The following BAHCC1 variants were observed in gnomAD, a reference collection of about 807,000 sequenced individuals.
The protein encoded by BAHCC1 is BAH domain and coiled-coil containing 1.
BAHCC1 carries 43 observed loss-of-function variants against 88.2 expected under a neutral mutation model. The observed-to-expected ratio is 0.49, with a 90% CI of 0.38 to 0.63. The LOEUF (loss-of-function observed/expected upper bound fraction) is 0.63, where lower values mean the gene tolerates loss of function less well. Among genes scored for constraint, BAHCC1 ranks in the 20% least tolerant of loss-of-function variants. The pLI, the probability that BAHCC1 is intolerant of heterozygous loss-of-function variation, is 0.00. For synonymous variants in BAHCC1, 1,510 were observed against 745.5 expected (o/e 2.03, Z -16.71); for missense variants, 3,023 against 1,654.8 (o/e 1.83, Z -14.34).
In BAHCC1 at chr17:81,411,093, T is replaced by C. The variant is rs2063944248; in HGVS notation, c.178+11176T>C. 1.9e-6 allele frequency: 1 copy of C among 519,238 alleles called. No homozygotes were observed. The highest frequency in any genetic ancestry group is 3.8e-6 in the Non-Finnish European group (1 of 259,768). The allele number at this position is 519,238 out of a possible 1,614,324, so 32.2% of individuals were successfully genotyped here. Reference sequence around the variant, plus strand: ...GGGGTCCCTCTCTCTGGGGTCACGCTCCCTTGTTCTCAGTCCCGCAGCCGT... The same window carrying C: ...GGGGTCCCTCTCTCTGGGGTCACGCCCCCTTGTTCTCAGTCCCGCAGCCGT... On this transcript the variant is annotated intron_variant, in intron 2 of 27. Transcript: ENST00000675386. This position sits in a 1 kb window ranked among gnomAD's most constrained non-coding sequence, Gnocchi z 6.2.
rs556140288 is a variant in BAHCC1, at chr17:81,449,277, CT to C, written c.3976+1430del. 2.1e-3 allele frequency among the ~76,000 whole-genome samples: 316 copies of C among 152,284 alleles called. 3 individuals carry two copies. The highest frequency in any genetic ancestry group is 6.8e-3 in the African/African-American group (284 of 41,546). ...CGGGTCTCCACCTCATGGTCCCCCC[CT>C]GGGCCCCCACCCCTGCCCCTGCCCT... On this transcript the variant is annotated intron_variant, in intron 11 of 27. Coordinates refer to ENST00000675386, the MANE Select transcript of BAHCC1 (RefSeq NM_001377448.1).
At chr17:81,425,390 TGGTGATAGTGGTG>T (rs2064171928) in intron 2 of BAHCC1, among the ~76,000 whole-genome samples, 1 of 98,792 alleles carries the variant, frequency 1.0e-5, no homozygotes, top group Non-Finnish European at 1.9e-5. Flanking sequence ...GTGTGGTTGG[TGGTGATAGTGGTG>T]GGTGATGTGG....
At chr17:81,446,262 G>A (rs143303525) in intron 10 of BAHCC1, among the ~76,000 whole-genome samples, 34 of 152,206 alleles carry the variant, frequency 2.2e-4, no homozygotes, top group Admixed American at 9.8e-4. Context: ...GGGTTTTTCC[G>A]TTTTTTTCCC....
At chr17:81,402,906 C>G (rs562077344) in intron 2 of BAHCC1, 2 of 152,178 alleles carry the variant, frequency 1.3e-5, no homozygotes, top group Non-Finnish European at 2.9e-5. Flanking sequence ...AGACTCGGGC[C>G]GCAGGTTTTA....
At position 81,435,259 on chromosome 17, in the gene BAHCC1, C is replaced by T. The variant is rs931440133; in HGVS notation, c.359-3111C>T. On this transcript the variant is annotated intron_variant, in intron 3 of 27. Transcript: ENST00000675386. This position sits in a 1 kb window ranked among gnomAD's most constrained non-coding sequence, Gnocchi z 4.4. ...CATTGTGTCCCCCGCCCAGCCCACG[C>T]GTGGCCCCCTGGCTTTACTAACCCA... is the stretch of plus-strand genomic sequence containing the variant. Among the ~76,000 whole-genome samples, 2 of 152,154 alleles carry T rather than the reference C, an allele frequency of 1.3e-5. No individual in the cohort carries two copies. Among genetic ancestry groups the T allele is most frequent in the South Asian group, 4.1e-4 (2 of 4,834 alleles).
At chr17:81,405,633 T>TA (rs1216751532) in intron 2 of BAHCC1, among the ~76,000 whole-genome samples, 1 of 152,178 alleles carries the variant, frequency 6.6e-6, no homozygotes, top group Non-Finnish European at 1.5e-5. Flanking sequence ...CAAGCACAGA[T>TA]AGAGTTCAGC....
chr17:81,463,469 G>GT (rs2030478364), intron 27 of BAHCC1, 142 bp from the exon 28 acceptor site: 2 of 649,626 alleles, frequency 3.1e-6, no homozygotes, highest in Admixed American at 2.1e-5. Flanking sequence ...TCCCTGGCAG[G>GT]TTCCTCGGCC....
intron 2 of BAHCC1, among the ~76,000 whole-genome samples, chr17:81,420,665 C>A (rs1555649484): frequency 6.6e-6 from 1 of 152,264 alleles, no homozygotes; most frequent in Non-Finnish European, 1.5e-5. Flanking sequence ...GGCCCTGGAG[C>A]TGGGGCCAGA....
rs1568022960 is a variant in BAHCC1 at position 81,446,216 on chromosome 17, G to GT, written c.3163+536dup. 3.3e-5 allele frequency among the ~76,000 whole-genome samples: 5 copies of GT among 152,160 alleles called. No individual in the cohort carries two copies. In the East Asian group the frequency reaches 9.6e-4, roughly 29 times the overall value. On this transcript the variant is annotated intron_variant, in intron 10 of 27. Transcript: ENST00000675386. ...AAACCGTGTGGCGAACATAAAACCC[G>GT]TCCTAGTTTCACAGTCAGGAGATGG...
At position 81,458,310 on chromosome 17, in the gene BAHCC1, G is replaced by A. The variant is rs561265856; in HGVS notation, c.5187G>A (p.Lys1729=). ...AGAAGAAAGCCAAGGGCAAGGCCAAGGGCAGCCTGCGGGCAGAGCCGGGGG... is the reference window on the plus strand; with the variant it reads ...AGAAGAAAGCCAAGGGCAAGGCCAAAGGCAGCCTGCGGGCAGAGCCGGGGG... ...LGKKKAKGKA[K]GSLRAEPGAT... is the part of the protein sequence containing the mutation. The change falls in exon 18 of 28, where the codon AAG becomes AAA. Residue 1729 remains lysine (K), a synonymous_variant. Coordinates refer to ENST00000675386, the MANE Select transcript of BAHCC1 (RefSeq NM_001377448.1). The A allele has an allele frequency of 9.3e-6, 7 of 750,390 alleles. No homozygotes were observed. Among genetic ancestry groups the A allele is most frequent in the Non-Finnish European group, 1.7e-5 (7 of 404,616 alleles). 46.5% of individuals were successfully genotyped at this position (750,390 alleles called of 1,614,324 possible). A position where few individuals can be genotyped will look rare whatever the true frequency, so the allele number is the denominator to read the frequency against.
rs1363026963 is a variant in BAHCC1, at chr17:81,452,757, G to A, written c.4351G>A (p.Gly1451Arg). The A allele has an allele frequency of 2.7e-6, 2 of 747,280 alleles. No individual in the cohort carries two copies. The highest frequency in any genetic ancestry group is 3.8e-5 in the Admixed American group (2 of 52,484). The allele number at this position is 747,280 out of a possible 1,614,324, so 46.3% of individuals were successfully genotyped here. A position where few individuals can be genotyped will look rare whatever the true frequency, so the allele number is the denominator to read the frequency against. ...DESSRSPARR[G>R]PGRPRKRKHS... ...GAGTTCACGGAGCCCTGCACGGCGG[G>A]GGCCTGGCCGGCCGAGGAAGCGCAA... The change falls in exon 14 of 28, where the codon GGG (glycine) becomes AGG (arginine). Residue 1451 changes from glycine (G) to arginine (R), a missense_variant. Transcript: ENST00000675386.
rs367622066 is a variant in BAHCC1, at chr17:81,453,738, C to T, written c.4445+887C>T. Among the ~76,000 whole-genome samples the T allele has an allele frequency of 3.3e-5, 5 of 152,322 alleles. No homozygotes were observed. In the East Asian group the frequency reaches 9.6e-4, roughly 29 times the overall value. The stretch of plus-strand genomic sequence containing the variant: ...CCAGGATCTGGCTAGAAGGCAGCAG[C>T]CTCAGGACAGGGAGGGAAACTGAGT... On this transcript the variant is annotated intron_variant, in intron 14 of 27. Coordinates refer to ENST00000675386, the MANE Select transcript of BAHCC1 (RefSeq NM_001377448.1).
At chr17:81,417,291 T>C (rs1199115040) in intron 2 of BAHCC1, among the ~76,000 whole-genome samples, 2 of 152,246 alleles carry the variant, frequency 1.3e-5, no homozygotes, top group South Asian at 2.1e-4. Context: ...GGAGTGGCGC[T>C]GACCACCCTG....
rs1555658762 is a variant in BAHCC1, at chr17:81,460,347, C to T, written c.5976C>T (p.His1992=). Residue 1992 remains histidine, a synonymous_variant, in exon 24 of 28, where the codon CAC becomes CAT. Coordinates refer to ENST00000675386, the MANE Select transcript of BAHCC1 (RefSeq NM_001377448.1). ...AATTTGACGATGGGGATACAGGCCA[C>T]ATCGCCGTCTCCAACGTCAGGCTGC... ...VVEFDDGDTG[H]IAVSNVRLLP... is the part of the protein sequence containing the mutation. The T allele has an allele frequency of 9.0e-6, 7 of 776,014 alleles. No homozygotes were observed. The highest frequency in any genetic ancestry group is 5.4e-5 in the South Asian group (4 of 73,566). 48.1% of individuals were successfully genotyped at this position (776,014 alleles called of 1,614,324 possible).
rs1274505319 is a variant in BAHCC1 at position 81,463,889 on chromosome 17, C to CG, written c.*75dup. Reference sequence around the variant, plus strand: ...CGGAGCCTGGCGTCGGCCAAGCCACCGGGCAGGAGGCAGCCCCGGCCTCCC... The same window carrying CG: ...CGGAGCCTGGCGTCGGCCAAGCCACCGGGGCAGGAGGCAGCCCCGGCCTCCC... On this transcript the variant is annotated 3_prime_UTR_variant, in exon 28 of 28. Coordinates refer to ENST00000675386, the MANE Select transcript of BAHCC1 (RefSeq NM_001377448.1). 2.5e-5 allele frequency: 17 copies of CG among 688,308 alleles called. No individual in the cohort carries two copies. The highest frequency in any genetic ancestry group is 2.4e-5 in the Non-Finnish European group (9 of 375,696). 42.6% of individuals were successfully genotyped at this position (688,308 alleles called of 1,614,324 possible).
intron 2 of BAHCC1, chr17:81,410,214 G>A (rs756463846): frequency 2.0e-4 from 35 of 173,386 alleles, no homozygotes; most frequent in East Asian, 7.4e-4. Context: ...GCCTGTGCAC[G>A]CCCCTTCCCT....
intron 3 of BAHCC1, among the ~76,000 whole-genome samples, chr17:81,429,321 C>T (rs2034642910): frequency 6.6e-6 from 1 of 152,234 alleles, no homozygotes; most frequent in African/African-American, 2.4e-5. Context: ...GAGGCCCGTG[C>T]TCCAGCTTGC....
rs76713894 is a variant in BAHCC1 at position 81,446,253 on chromosome 17, G to A, written c.3163+572G>A. On this transcript the variant is annotated intron_variant, in intron 10 of 27. Coordinates refer to ENST00000675386, the MANE Select transcript of BAHCC1 (RefSeq NM_001377448.1). ...CAGTCAGGAGATGGAGCTAGCAGAG[G>A]GTTTTTCCGTTTTTTTCCCTTCGTT... Among the ~76,000 whole-genome samples, 952 of 152,324 alleles carry A rather than the reference G, an allele frequency of 6.2e-3. 10 individuals are homozygous for A. Among genetic ancestry groups the A allele is most frequent in the African/African-American group, 0.022 (898 of 41,576 alleles).
At chr17:81,441,518 T>C (rs1003206514) in intron 4 of BAHCC1, among the ~76,000 whole-genome samples, 11 of 151,850 alleles carry the variant, frequency 7.2e-5, no homozygotes, top group South Asian at 2.1e-4. Context: ...AAAAGTTAGC[T>C]GGGCCTGGTG....
Sources: gnomAD v4.1 joint callset for allele counts (sites outside exome capture counted in the v4.1 genomes callset) on GRCh38, gnomAD v4.1.1 for gene constraint, Gnocchi (gnomAD v3.1) non-coding constraint, MANE v1.5 for transcripts, NCBI Gene and HGNC (gene_info 2026-07-23, HGNC 2026-07-21) for gene names.